CDC42BPA: variants seen among roughly 807,000 people sequenced by gnomAD.
CDC42BPA encodes the protein CDC42 binding protein kinase alpha, also known as serine/threonine-protein kinase MRCK alpha.
A neutral mutation model predicts 223.5 loss-of-function variants in CDC42BPA; 80 were observed. The ratio of observed to expected loss-of-function variants is 0.36; its 90% CI spans 0.30 to 0.43. CDC42BPA has a LOEUF of 0.43. CDC42BPA is among the 20% of genes least tolerant of loss of function. The pLI, the probability that CDC42BPA is intolerant of heterozygous loss-of-function variation, is 1.00. For missense variants in CDC42BPA, 1,743 were observed against 2,099.9 expected, an observed-to-expected ratio of 0.83 and a Z score of 3.32; for synonymous variants, 694 against 718.6, an observed-to-expected ratio of 0.97 and a Z score of 0.55.
intron 4 of CDC42BPA, among the ~76,000 whole-genome samples, chr1:227,194,399 A>G (rs969766708): frequency 6.6e-6 from 1 of 152,226 alleles, no homozygotes; most frequent in Admixed American, 6.5e-5. Flanking sequence ...GAACTTTATT[A>G]GAACCAGCAT....
At chr1:227,147,985 G>C (rs1329784548) in intron 6 of CDC42BPA, among the ~76,000 whole-genome samples, 1 of 151,950 alleles carries the variant, frequency 6.6e-6, no homozygotes, top group Admixed American at 6.6e-5. Flanking sequence ...GAGAAGCCTG[G>C]AGATTATGTT....
At chr1:227,014,570 G>GTT (rs142094209) in intron 34 of CDC42BPA, among the ~76,000 whole-genome samples, 22 of 151,522 alleles carry the variant, frequency 1.5e-4, no homozygotes, top group South Asian at 2.1e-4. Flanking sequence ...TTTAAAAGGC[G>GTT]TTTTTTTTAA....
At chr1:227,208,202 T>C (rs1242213330) in intron 3 of CDC42BPA, among the ~76,000 whole-genome samples, 3 of 151,166 alleles carry the variant, frequency 2.0e-5, no homozygotes, top group East Asian at 1.9e-4. Context: ...CACCCACTTT[T>C]TGATGGGGTT....
intron 2 of CDC42BPA, among the ~76,000 whole-genome samples, chr1:227,249,038 C>A (rs191242041): frequency 6.6e-6 from 1 of 152,266 alleles, no homozygotes; most frequent in East Asian, 1.9e-4. Flanking sequence ...TCAAATGATA[C>A]TACAGAGCTA....
rs1316640756 is a variant in CDC42BPA, at chr1:227,143,030, G to A, written c.1144-6C>T. The A allele has an allele frequency of 1.3e-6, 2 of 1,510,474 alleles. No individual in the cohort carries two copies. The highest frequency in any genetic ancestry group is 1.4e-5 in the South Asian group (1 of 73,002). The allele number at this position is 1,510,474 out of a possible 1,614,324, so 93.6% of individuals were successfully genotyped here. On this transcript the variant is annotated splice_region_variant and splice_polypyrimidine_tract_variant and intron_variant, in intron 8 of 36. Coordinates refer to ENST00000366766, the MANE Select transcript of CDC42BPA (RefSeq NM_001394014.1). ...GTTGGTGGGGGCATCGTTTCCTAAA[G>A]GAGGAAAAAACATCTGGTAAGAAAT...
Position 227,047,354 on chromosome 1 carries a change from A to G in CDC42BPA, c.3093+573T>C, listed in dbSNP as rs187238080. Among the ~76,000 whole-genome samples the G allele has an allele frequency of 9.9e-4, 150 of 152,060 alleles. 2 individuals carry two copies. The South Asian group carries it at 0.017, about 17-fold the overall frequency. On this transcript the variant is annotated intron_variant, in intron 23 of 36. Coordinates refer to ENST00000366766, the MANE Select transcript of CDC42BPA (RefSeq NM_001394014.1). ...GGTTATTTCAGTTTGTCTTTCTTCTATATCAGTTATATTTTTTGTATATTT... is the reference window on the plus strand; with the variant it reads ...GGTTATTTCAGTTTGTCTTTCTTCTGTATCAGTTATATTTTTTGTATATTT...
chr1:226,998,258 T>C (rs1662043039), intron 35 of CDC42BPA, among the ~76,000 whole-genome samples: 1 of 152,232 alleles, frequency 6.6e-6, no homozygotes, highest in Non-Finnish European at 1.5e-5. Context: ...CCCATCAAGC[T>C]ACCAATGATT....
intron 2 of CDC42BPA, among the ~76,000 whole-genome samples, chr1:227,227,381 G>A (rs1437501120): frequency 6.6e-6 from 1 of 152,068 alleles, no homozygotes; most frequent in Non-Finnish European, 1.5e-5. Flanking sequence ...CCTTTCATCT[G>A]TAAATTTCAA....
At chr1:227,062,159 T>C (rs1676048569) in intron 21 of CDC42BPA, among the ~76,000 whole-genome samples, 1 of 152,186 alleles carries the variant, frequency 6.6e-6, no homozygotes, top group South Asian at 2.1e-4. Context: ...CTCAATCCCT[T>C]CCTCACCCTT....
intron 1 of CDC42BPA, among the ~76,000 whole-genome samples, chr1:227,306,917 CTAAG>C (rs1559005736): frequency 1.3e-5 from 2 of 152,168 alleles, no homozygotes; most frequent in Admixed American, 6.5e-5. Flanking sequence ...ATTAGCCACT[CTAAG>C]TAAACGATGA....
At chr1:227,243,847 CA>C (rs1208749253) in intron 2 of CDC42BPA, among the ~76,000 whole-genome samples, 2 of 151,772 alleles carry the variant, frequency 1.3e-5, no homozygotes, top group Admixed American at 1.3e-4. Context: ...ATAAGTCAGA[CA>C]ACTCACCCAT....
intron 1 of CDC42BPA, among the ~76,000 whole-genome samples, chr1:227,295,669 T>C (rs1295282613): frequency 6.6e-6 from 1 of 152,178 alleles, no homozygotes; most frequent in East Asian, 1.9e-4. Context: ...CATTTGAAGG[T>C]CCAATGCTGG....
chr1:227,220,311 T>TATATATATATACAC (rs1210485137), intron 2 of CDC42BPA, among the ~76,000 whole-genome samples: 2 of 49,530 alleles, frequency 4.0e-5, no homozygotes, highest in African/African-American at 1.4e-4. Flanking sequence ...TATATATATA[T>TATATATATATACAC]ACACACACAC....
At position 227,254,162 on chromosome 1, in the gene CDC42BPA, T is replaced by C. The variant is rs1682638246; in HGVS notation, c.179-7A>G. 4 of 1,386,116 alleles carry C rather than the reference T, an allele frequency of 2.9e-6. No individual in the cohort carries two copies. The highest frequency in any genetic ancestry group is 4.1e-6 in the Non-Finnish European group (4 of 987,036). The allele number at this position is 1,386,116 out of a possible 1,614,324, so 85.9% of individuals were successfully genotyped here. On this transcript the variant is annotated splice_polypyrimidine_tract_variant and splice_region_variant and intron_variant, in intron 1 of 36. Coordinates refer to ENST00000366766, the MANE Select transcript of CDC42BPA (RefSeq NM_001394014.1). ...TTAGAAGTAAATGGTTTAGCTGAAATGAAAGAGCAATATCAATTATTTTCT... is the reference window on the plus strand; with the variant it reads ...TTAGAAGTAAATGGTTTAGCTGAAACGAAAGAGCAATATCAATTATTTTCT...
In CDC42BPA at chr1:227,151,814, G is replaced by A. The variant is rs191762273; in HGVS notation, c.694-4255C>T. The stretch of plus-strand genomic sequence containing the variant: ...TGTCCCAGCACTTTGGGAGGCTGAG[G>A]TGGGTCAATCACTTGAGGTCAGGAG... On this transcript the variant is annotated intron_variant, in intron 6 of 36. Coordinates refer to ENST00000366766, the MANE Select transcript of CDC42BPA (RefSeq NM_001394014.1). 1.3e-3 allele frequency among the ~76,000 whole-genome samples: 189 copies of A among 150,610 alleles called. 2 individuals carry two copies. The highest frequency in any genetic ancestry group is 9.7e-4 in the East Asian group (5 of 5,142).
chr1:227,133,098 C>CG (rs1657619408), intron 10 of CDC42BPA, among the ~76,000 whole-genome samples: 1 of 149,510 alleles, frequency 6.7e-6, no homozygotes, highest in South Asian at 2.1e-4. Flanking sequence ...GGGGGTCAGC[C>CG]CCCCGCCCGG....
At chr1:227,266,801 A>G (rs1513622) in intron 1 of CDC42BPA, among the ~76,000 whole-genome samples, 46,816 of 152,080 alleles carry the variant, frequency 0.31, 7,386 homozygotes, top group East Asian at 0.37. Context: ...GAAGATAGGT[A>G]GCATTACTAG....
intron 34 of CDC42BPA, among the ~76,000 whole-genome samples, chr1:227,006,599 G>C (rs1358811796): frequency 2.0e-5 from 3 of 152,160 alleles, no homozygotes; most frequent in African/African-American, 7.2e-5. Context: ...ACCTCATACA[G>C]CCATCTGCAG....
chr1:227,129,592 C>T (rs1043253586), intron 10 of CDC42BPA, among the ~76,000 whole-genome samples: 2 of 138,492 alleles, frequency 1.4e-5, no homozygotes, highest in Non-Finnish European at 3.0e-5. Flanking sequence ...GCTTGAGCCC[C>T]GGAGGTTGAG....
Sources: gnomAD v4.1 joint callset for allele counts (sites outside exome capture counted in the v4.1 genomes callset) on GRCh38, gnomAD v4.1.1 for gene constraint, MANE v1.5 for transcripts, NCBI Gene and HGNC (gene_info 2026-07-23, HGNC 2026-07-21) for gene names.